ATAD3B: variants seen among roughly 807,000 people sequenced by gnomAD.
ATAD3B encodes the protein ATPase family AAA domain-containing protein 3B.
ATAD3B carries 59 observed loss-of-function variants against 70.2 expected under a neutral mutation model. The observed-to-expected ratio is 0.84, with a 90% CI of 0.68 to 1.04. ATAD3B has a LOEUF of 1.04. Ranked by LOEUF, ATAD3B falls within the 50% of genes least tolerant of loss-of-function variation. The probability of loss-of-function intolerance (pLI) is 0.00; values close to 1 mark genes in which losing one functional copy is unlikely to be tolerated. For missense variants in ATAD3B, 961 were observed against 913.4 expected, an observed-to-expected ratio of 1.05 and a Z score of -0.67; for synonymous variants, 423 against 388.6, an observed-to-expected ratio of 1.09 and a Z score of -1.04.
At chr1:1,483,104 T>G (rs776784585) in intron 7 of ATAD3B, 1 of 450,818 alleles carries the variant, frequency 2.2e-6, no homozygotes, top group Non-Finnish European at 4.5e-6. Flanking sequence ...ATCATCCTGG[T>G]AAGAGTGAAA....
chr1:1,485,254 T>TC, intron 8 of ATAD3B, 83 bp downstream of exon 8: 1 of 1,542,012 alleles, frequency 6.5e-7, no homozygotes, highest in South Asian at 1.2e-5. Context: ...ACGCACACCC[T>TC]CCCGTCCCTT....
chr1:1,483,308 A>C (rs1363663884), intron 7 of ATAD3B, among the ~76,000 whole-genome samples: 1 of 151,756 alleles, frequency 6.6e-6, no homozygotes, highest in Non-Finnish European at 1.5e-5. Context: ...CTCTGCTAAA[A>C]ATACAAAAAT....
chr1:1,477,211 T>C lies in ATAD3B; in HGVS notation c.206-63T>C, dbSNP rs557968251. 3.3e-5 allele frequency: 53 copies of C among 1,593,144 alleles called. 2 individuals are homozygous for C. In the South Asian group the frequency reaches 4.2e-4, roughly 13 times the overall value. ...TTTTAGTAGAGGTTGGGTTTCACCA[T>C]GTTGGCCAGGCTTTGGTATCCGTGT... On this transcript the variant is annotated intron_variant, in intron 1 of 15. Coordinates refer to ENST00000673477, the MANE Select transcript of ATAD3B (RefSeq NM_031921.6).
chr1:1,503,091 C>T, the ATAD3B span, among the ~76,000 whole-genome samples: 3 of 151,336 alleles, frequency 2.0e-5, no homozygotes, highest in Non-Finnish European at 4.4e-5. Flanking sequence ...GGCGTGGTGG[C>T]GGGCACCTGT....
At position 1,496,048 on chromosome 1, in the gene ATAD3B, A is replaced by C; in HGVS notation, c.*231A>C. The C allele has an allele frequency of 7.6e-7, 1 of 1,309,574 alleles. No homozygotes were observed. The highest frequency in any genetic ancestry group is 9.7e-7 in the Non-Finnish European group (1 of 1,028,734). 81.1% of individuals were successfully genotyped at this position (1,309,574 alleles called of 1,614,324 possible). ...AGGTGAGGGGGGGCCTGCCAGGACT[A>C]GACAGAAGTGGGGCGGCCTGAACCC... is the stretch of plus-strand genomic sequence containing the variant. On this transcript the variant is annotated 3_prime_UTR_variant, in exon 16 of 16. Transcript: ENST00000673477.
chr1:1,480,317 C>T (rs1301440113), intron 4 of ATAD3B, among the ~76,000 whole-genome samples: 1 of 145,690 alleles, frequency 6.9e-6, no homozygotes, highest in Non-Finnish European at 1.5e-5. Flanking sequence ...CAGCGGCTCT[C>T]CAGGCACGAC....
intron 15 of ATAD3B, among the ~76,000 whole-genome samples, chr1:1,493,314 G>C (rs1165144954): frequency 1.3e-5 from 2 of 151,932 alleles, no homozygotes; most frequent in South Asian, 4.2e-4. Flanking sequence ...TTCTTGCTTG[G>C]TTCTTTCTCA....
In ATAD3B at chr1:1,497,101, A is replaced by G. The variant is rs2100609776; in HGVS notation, c.*1284A>G. 6.6e-6 allele frequency: 1 copy of G among 151,984 alleles called. No homozygotes were observed. The highest frequency in any genetic ancestry group is 1.5e-5 in the Non-Finnish European group (1 of 68,030). The allele number at this position is 151,984 out of a possible 1,614,324, so 9.4% of individuals were successfully genotyped here. On this transcript the variant is annotated 3_prime_UTR_variant, in exon 16 of 16. Transcript: ENST00000673477. ...AACAGAAGAGGAGCCTGGGCACGCAACGGTCCCATCGGAGAGCAGACCCCT... is the reference window on the plus strand; with the variant it reads ...AACAGAAGAGGAGCCTGGGCACGCAGCGGTCCCATCGGAGAGCAGACCCCT...
At chr1:1,504,519 G>T in the ATAD3B span, among the ~76,000 whole-genome samples, 1 of 151,784 alleles carries the variant, frequency 6.6e-6, no homozygotes, top group Non-Finnish European at 1.5e-5. Context: ...GCGTGGTGGC[G>T]GGCGCCTGTA....
chr1:1,503,466 G>T, the ATAD3B span: 38 of 884,030 alleles, frequency 4.3e-5, no homozygotes, highest in South Asian at 5.8e-4. Flanking sequence ...AGGCAGGGCT[G>T]GGGGCTTTGA....
At chr1:1,503,652 C>G in the ATAD3B span, 1 of 1,611,840 alleles carries the variant, frequency 6.2e-7, no homozygotes, top group South Asian at 1.1e-5. Flanking sequence ...AGCAACAGTC[C>G]AAGCTCAAAG....
At position 1,486,606 on chromosome 1, in the gene ATAD3B, G is replaced by C. The variant is rs1306925016; in HGVS notation, c.1152G>C (p.Met384Ile). The change falls in exon 11 of 16, where the codon ATG becomes ATC. Residue 384 changes from methionine to isoleucine, a missense_variant. Met to Ile is a conservative substitution (Grantham distance 10). Around this residue, in one of 4 missense-constraint regions of ATAD3B, gnomAD observed 349 missense variants for 307.5 expected, o/e 1.14. Coordinates refer to ENST00000673477, the MANE Select transcript of ATAD3B (RefSeq NM_031921.6). The stretch of plus-strand genomic sequence containing the variant: ...TGACAGGCGGGGACGTGGCCCCCAT[G>C]GGGCGGGAAGGCGTGACCGCCATGC... Reference protein sequence around the residue: ...AIMTGGDVAPMGREGVTAMHK... With the variant: ...AIMTGGDVAPIGREGVTAMHK... 8.7e-6 allele frequency: 14 copies of C among 1,611,252 alleles called. No homozygotes were observed. The highest frequency in any genetic ancestry group is 1.6e-4 in the Middle Eastern group (1 of 6,074).
At chr1:1,472,680 G>A (rs1311413749) in intron 1 of ATAD3B, among the ~76,000 whole-genome samples, 3 of 152,058 alleles carry the variant, frequency 2.0e-5, no homozygotes, top group Admixed American at 2.0e-4. Flanking sequence ...CCTTCCCTAA[G>A]CTCGGGTCTC....
intron 12 of ATAD3B, among the ~76,000 whole-genome samples, chr1:1,488,792 C>T (rs967867110): frequency 1.3e-5 from 2 of 151,822 alleles, no homozygotes; most frequent in African/African-American, 4.8e-5. Flanking sequence ...TCGCCTTGAC[C>T]TTCTGAAGTG....
chr1:1,478,533 C>G, intron 2 of ATAD3B, 111 bp from the exon 3 acceptor site: 1 of 1,550,064 alleles, frequency 6.5e-7, no homozygotes, highest in Non-Finnish European at 8.7e-7. Flanking sequence ...GCTGCACACA[C>G]TAGTCTGGGC....
chr1:1,490,818 G>T (rs1470067653), intron 15 of ATAD3B, 147 bp downstream of exon 15: 2 of 1,463,320 alleles, frequency 1.4e-6, no homozygotes, highest in East Asian at 5.0e-5. Flanking sequence ...AGGGCCCCCT[G>T]CCTCAGTCGG....
At chr1:1,499,033 G>A (rs747941441), downstream of ATAD3B, among the ~76,000 whole-genome samples, 10 of 150,524 alleles carry the variant, frequency 6.6e-5, no homozygotes, top group African/African-American at 1.5e-4. Flanking sequence ...GTGCAGTGGC[G>A]CGATCTCAGC....
chr1:1,489,619 C>T (rs1640421796), intron 13 of ATAD3B: 1 of 1,311,458 alleles, frequency 7.6e-7, no homozygotes, highest in Non-Finnish European at 1.0e-6. Context: ...GGTGACCGGC[C>T]CTATGTCCAG....
intron 15 of ATAD3B, among the ~76,000 whole-genome samples, chr1:1,491,607 C>T (rs1048981276): frequency 6.6e-6 from 1 of 151,956 alleles, no homozygotes; most frequent in Non-Finnish European, 1.5e-5. Context: ...GCGCCCTGGC[C>T]ACACACAGGC....
Sources: gnomAD v4.1 joint callset for allele counts (sites outside exome capture counted in the v4.1 genomes callset) on GRCh38, gnomAD v4.1.1 for gene constraint, gnomAD v4.1.1 regional missense constraint, MANE v1.5 for transcripts, NCBI Gene and HGNC (gene_info 2026-07-23, HGNC 2026-07-21) for gene names.